Variants in SEMA6D observed in about 807,000 individuals in gnomAD.
SEMA6D encodes the protein semaphorin-6D.
A neutral mutation model predicts 106.6 loss-of-function variants in SEMA6D; 35 were observed. The ratio of observed to expected loss-of-function variants is 0.33; its 90% CI spans 0.25 to 0.44. The LOEUF (loss-of-function observed/expected upper bound fraction) is 0.44, where lower values mean the gene tolerates loss of function less well. Among genes scored for constraint, SEMA6D ranks in the 20% least tolerant of loss-of-function variants. The pLI is 1.00. For missense variants in SEMA6D, 1,185 were observed against 1,345.9 expected (o/e 0.88, Z 1.87); for synonymous variants, 499 against 487.7 (o/e 1.02, Z -0.31).
At position 47,211,171 on chromosome 15, in the gene SEMA6D, A is replaced by C. The variant is rs185429145; in HGVS notation, c.-239+26753A>C. Among the ~76,000 whole-genome samples the C allele has an allele frequency of 3.6e-3, 547 of 152,140 alleles. 5 individuals are homozygous for C. Among genetic ancestry groups the C allele is most frequent in the African/African-American group, 0.013 (519 of 41,498 alleles). ...CATCATCTATCTATACTCTCTCTCTATTTTTTATCTTTCAGTTTGAAAGTC... is the reference window on the plus strand; with the variant it reads ...CATCATCTATCTATACTCTCTCTCTCTTTTTTATCTTTCAGTTTGAAAGTC... On this transcript the variant is annotated intron_variant, in intron 1 of 19. Transcript: ENST00000558014.
At chr15:47,377,539 A>G (rs1003645649) in intron 1 of SEMA6D, among the ~76,000 whole-genome samples, 2 of 152,216 alleles carry the variant, frequency 1.3e-5, no homozygotes, top group Admixed American at 6.5e-5. Flanking sequence ...TGTGGGAAAT[A>G]AGTCCTCATA....
intron 1 of SEMA6D, among the ~76,000 whole-genome samples, chr15:47,384,997 A>G (rs1164658392): frequency 6.7e-6 from 1 of 150,126 alleles, no homozygotes; most frequent in Non-Finnish European, 1.5e-5. Flanking sequence ...TGAAGATGAT[A>G]AATCAGACTA....
chr15:47,554,853 G>A (rs901678851), intron 3 of SEMA6D, among the ~76,000 whole-genome samples: 1 of 152,158 alleles, frequency 6.6e-6, no homozygotes, highest in South Asian at 2.1e-4. Flanking sequence ...TGTGTTCTCA[G>A]GGGGATTATG....
At chr15:47,503,663 A>G (rs143061510) in intron 3 of SEMA6D, among the ~76,000 whole-genome samples, 10 of 149,398 alleles carry the variant, frequency 6.7e-5, no homozygotes, top group Non-Finnish European at 1.3e-4. Context: ...GTCTGTGCAC[A>G]TGCAGGGGTG....
intron 1 of SEMA6D, chr15:47,397,357 G>C (rs2040245315): frequency 6.6e-6 from 1 of 152,162 alleles, no homozygotes; most frequent in Non-Finnish European, 1.5e-5. Flanking sequence ...AGACAAGGGA[G>C]AGTTTTTCTC....
intron 4 of SEMA6D, among the ~76,000 whole-genome samples, chr15:47,690,973 CT>C (rs1368565394): frequency 6.6e-6 from 1 of 152,120 alleles, no homozygotes; most frequent in Non-Finnish European, 1.5e-5. Flanking sequence ...GACCATCATA[CT>C]TCTGAGTACT....
chr15:47,249,878 C>A (rs1263303031), intron 1 of SEMA6D, among the ~76,000 whole-genome samples: 1 of 152,190 alleles, frequency 6.6e-6, no homozygotes, highest in African/African-American at 2.4e-5. Context: ...CATTTCCAGA[C>A]AGTCTAACAT....
chr15:47,225,729 C>T (rs561343437), intron 1 of SEMA6D, among the ~76,000 whole-genome samples: 202 of 151,816 alleles, frequency 1.3e-3, no homozygotes, highest in African/African-American at 4.8e-3. Flanking sequence ...GGGGTTTCTC[C>T]GTGTGGGTCA....
chr15:47,396,979 C>A (rs139394091), intron 1 of SEMA6D, among the ~76,000 whole-genome samples: 2 of 152,098 alleles, frequency 1.3e-5, no homozygotes, highest in African/African-American at 4.8e-5. Flanking sequence ...AACACAAGTT[C>A]AAAGAAAAAA....
chr15:47,222,050 C>T (rs1401317524), intron 1 of SEMA6D, among the ~76,000 whole-genome samples: 1 of 152,132 alleles, frequency 6.6e-6, no homozygotes, highest in African/African-American at 2.4e-5. Context: ...CACACTCACA[C>T]ACACGCAAGT....
intron 1 of SEMA6D, among the ~76,000 whole-genome samples, chr15:47,208,197 A>G (rs1418967483): frequency 1.3e-5 from 2 of 152,110 alleles, no homozygotes; most frequent in African/African-American, 4.8e-5. Context: ...GAGAAAAATA[A>G]TATGACCCAC....
chr15:47,427,929 A>T (rs2041396000), intron 2 of SEMA6D, among the ~76,000 whole-genome samples: 1 of 152,274 alleles, frequency 6.6e-6, no homozygotes, highest in Non-Finnish European at 1.5e-5. Context: ...GAGAAATTGT[A>T]TATTCTTCTT....
intron 3 of SEMA6D, among the ~76,000 whole-genome samples, chr15:47,524,822 G>A (rs2044700305): frequency 6.6e-6 from 1 of 152,180 alleles, no homozygotes; most frequent in African/African-American, 2.4e-5. Flanking sequence ...CCAGGACACT[G>A]AATGTTAGGG....
intron 1 of SEMA6D, among the ~76,000 whole-genome samples, chr15:47,256,795 G>C (rs1452582334): frequency 6.6e-6 from 1 of 152,038 alleles, no homozygotes; most frequent in African/African-American, 2.4e-5. Context: ...GGAGGTGGAG[G>C]TTGCAGTGAG....
intron 3 of SEMA6D, among the ~76,000 whole-genome samples, chr15:47,535,316 A>C (rs1218360790): frequency 1.3e-5 from 2 of 152,170 alleles, no homozygotes; most frequent in Non-Finnish European, 2.9e-5. Context: ...CACCTATCCC[A>C]CAGATAAGAA....
chr15:47,662,274 G>A (rs1444328315), intron 4 of SEMA6D, among the ~76,000 whole-genome samples: 1 of 151,770 alleles, frequency 6.6e-6, no homozygotes, highest in African/African-American at 2.4e-5. Context: ...CTGTGCGTGT[G>A]GCTGTGTTGT....
intron 3 of SEMA6D, among the ~76,000 whole-genome samples, chr15:47,471,429 T>TA (rs538791505): frequency 1.1e-4 from 17 of 152,226 alleles, no homozygotes; most frequent in Non-Finnish European, 2.1e-4. Flanking sequence ...TCTTAATTGT[T>TA]ACTTTTTGAA....
At chr15:47,616,316 C>T (rs982100089) in intron 4 of SEMA6D, among the ~76,000 whole-genome samples, 9 of 151,916 alleles carry the variant, frequency 5.9e-5, no homozygotes, top group Non-Finnish European at 7.4e-5. Context: ...ACTACAGGTG[C>T]GTGCCACCAC....
chr15:47,719,523 C>A (rs1422548121), intron 1 of SEMA6D, among the ~76,000 whole-genome samples: 1 of 152,148 alleles, frequency 6.6e-6, no homozygotes, highest in Non-Finnish European at 1.5e-5. Context: ...TTTAAGGTTG[C>A]CCTTCCCCCT....
Sources: allele counts gnomAD v4.1 joint callset (sites outside exome capture counted in the v4.1 genomes callset), GRCh38; gene constraint gnomAD v4.1.1; transcripts MANE v1.5; gene names NCBI Gene and HGNC (gene_info 2026-07-23, HGNC 2026-07-21).